RELN: variants seen among roughly 807,000 people sequenced by gnomAD.
RELN encodes the protein reelin.
RELN carries 108 observed loss-of-function variants against 427.6 expected under a neutral mutation model. The observed-to-expected ratio is 0.25, with a 90% confidence interval of 0.22 to 0.30. RELN has a LOEUF of 0.30. RELN is among the 10% of genes least tolerant of loss of function. The probability of loss-of-function intolerance (pLI) is 1.00; values close to 1 mark genes in which losing one functional copy is unlikely to be tolerated. For synonymous variants in RELN, 1,524 were observed against 1,513.4 expected, an observed-to-expected ratio of 1.01 and a Z score of -0.16; for missense variants, 3,715 against 4,302.8, an observed-to-expected ratio of 0.86 and a Z score of 3.82.
At chr7:103,643,935 A>C (rs1832744879) in intron 16 of RELN, among the ~76,000 whole-genome samples, 1 of 151,936 alleles carries the variant, frequency 6.6e-6, no homozygotes, top group African/African-American at 2.4e-5. Flanking sequence ...TAGGTTGAAA[A>C]TTATTGCCTC....
At chr7:103,786,805 T>G (rs1465566578) in intron 3 of RELN, among the ~76,000 whole-genome samples, 1 of 151,824 alleles carries the variant, frequency 6.6e-6, no homozygotes, top group Non-Finnish European at 1.5e-5. Flanking sequence ...AAGCAGAAAA[T>G]TTACAAGGAT....
At chr7:103,921,175 A>T (rs1795609889) in intron 1 of RELN, among the ~76,000 whole-genome samples, 1 of 152,082 alleles carries the variant, frequency 6.6e-6, no homozygotes, top group Non-Finnish European at 1.5e-5. Flanking sequence ...ATGTTTATAA[A>T]CTCCATCTGA....
At chr7:103,676,660 C>G (rs1458194975) in intron 11 of RELN, among the ~76,000 whole-genome samples, 2 of 152,178 alleles carry the variant, frequency 1.3e-5, no homozygotes, top group African/African-American at 4.8e-5. Flanking sequence ...CAATGATAGA[C>G]TGGATTAAGA....
At chr7:103,525,257 C>T (rs965528728) in intron 46 of RELN, among the ~76,000 whole-genome samples, 1 of 152,282 alleles carries the variant, frequency 6.6e-6, no homozygotes, top group African/African-American at 2.4e-5. Flanking sequence ...CCATGCTATT[C>T]TCTCTCATAG....
At chr7:103,932,213 A>G (rs890865330) in intron 1 of RELN, among the ~76,000 whole-genome samples, 3 of 152,242 alleles carry the variant, frequency 2.0e-5, no homozygotes, top group Non-Finnish European at 2.9e-5. Flanking sequence ...GCCATAGAAA[A>G]GAACAAGATC....
chr7:103,507,811 A>G (rs1198983037), intron 51 of RELN, among the ~76,000 whole-genome samples: 1 of 152,238 alleles, frequency 6.6e-6, no homozygotes, highest in African/African-American at 2.4e-5. Context: ...AAGAAAAGAG[A>G]GAAGGATCAA....
intron 20 of RELN, among the ~76,000 whole-genome samples, chr7:103,624,557 G>A (rs945816642): frequency 6.6e-6 from 1 of 152,112 alleles, no homozygotes; most frequent in Non-Finnish European, 1.5e-5. Context: ...CTCCCAAGTA[G>A]CTGGGATTAC....
At chr7:103,830,685 T>G (rs1473006453) in intron 3 of RELN, among the ~76,000 whole-genome samples, 1 of 151,994 alleles carries the variant, frequency 6.6e-6, no homozygotes, top group Non-Finnish European at 1.5e-5. Flanking sequence ...TTGCAAGAAT[T>G]TAGTTCAGAA....
At chr7:103,934,937 T>C (rs1476284819) in intron 1 of RELN, among the ~76,000 whole-genome samples, 1 of 152,184 alleles carries the variant, frequency 6.6e-6, no homozygotes, top group African/African-American at 2.4e-5. Context: ...CCTATTTACT[T>C]ACCTAGACGT....
intron 5 of RELN, 36 bp from the exon 6 acceptor site, chr7:103,749,540 A>C (rs1790940375): frequency 1.4e-6 from 2 of 1,415,756 alleles, no homozygotes; most frequent in African/African-American, 1.4e-5. Context: ...AAAGAAATAT[A>C]CTACAACAGT....
At chr7:103,585,405 T>C (rs1831247180) in intron 28 of RELN, among the ~76,000 whole-genome samples, 1 of 152,106 alleles carries the variant, frequency 6.6e-6, no homozygotes, top group Non-Finnish European at 1.5e-5. Context: ...AAAAAGATCA[T>C]TGGAGACTCC....
At chr7:103,526,713 G>A (rs1013184958) in intron 46 of RELN, among the ~76,000 whole-genome samples, 7 of 152,160 alleles carry the variant, frequency 4.6e-5, no homozygotes, top group African/African-American at 1.7e-4. Context: ...CATCACTTAT[G>A]TTTATGTGCT....
intron 8 of RELN, among the ~76,000 whole-genome samples, chr7:103,704,965 T>C (rs1322753044): frequency 6.6e-6 from 1 of 152,186 alleles, no homozygotes; most frequent in African/African-American, 2.4e-5. Context: ...GCAGGATTTG[T>C]CAAGGCTGAT....
chr7:103,911,116 C>T (rs200759722), intron 2 of RELN, among the ~76,000 whole-genome samples: 167 of 140,138 alleles, frequency 1.2e-3, no homozygotes, highest in Admixed American at 1.8e-3. Flanking sequence ...TGACAAAGGG[C>T]TAGTATCCAG....
chr7:103,535,447 T>C lies in RELN; in HGVS notation c.7218A>G (p.Ser2406=). 6.2e-7 allele frequency: 1 copy of C among 1,614,090 alleles called. No homozygotes were observed. Among genetic ancestry groups the C allele is most frequent in the Non-Finnish European group, 8.5e-7 (1 of 1,179,960 alleles). Residue 2406 remains serine, a synonymous_variant, in exon 46 of 65, where the codon TCA becomes TCG. Coordinates refer to ENST00000428762, the MANE Select transcript of RELN (RefSeq NM_005045.4). ...ELEYSVDLGL[S]WHPLVRDCLP... Reference sequence around the variant, plus strand: ...GACAGTCCCTTACCAATGGGTGCCATGACAATCCAAGATCTACTGAGTATT... The same window carrying C: ...GACAGTCCCTTACCAATGGGTGCCACGACAATCCAAGATCTACTGAGTATT...
intron 50 of RELN, among the ~76,000 whole-genome samples, chr7:103,514,395 C>T (rs773721330): frequency 1.3e-5 from 2 of 152,142 alleles, no homozygotes; most frequent in African/African-American, 2.4e-5. Context: ...CATGGTGGCT[C>T]ACGCCTGTAA....
intron 2 of RELN, among the ~76,000 whole-genome samples, chr7:103,909,700 TA>T (rs1237979494): frequency 2.1e-4 from 12 of 57,446 alleles, no homozygotes; most frequent in South Asian, 6.3e-4. Context: ...TATATATATT[TA>T]ATATATATAA....
chr7:103,848,501 G>A (rs899467657), intron 2 of RELN, among the ~76,000 whole-genome samples: 3 of 152,050 alleles, frequency 2.0e-5, no homozygotes, highest in African/African-American at 7.2e-5. Context: ...ACTTCCCCCC[G>A]AATCAACAGA....
chr7:103,666,041 T>A (rs1472066108), intron 11 of RELN, among the ~76,000 whole-genome samples: 1 of 151,998 alleles, frequency 6.6e-6, no homozygotes, highest in Non-Finnish European at 1.5e-5. Context: ...TTTTAAAAAG[T>A]TTTCTTTGAT....
Sources: gnomAD v4.1 joint callset for allele counts (sites outside exome capture counted in the v4.1 genomes callset) on GRCh38, gnomAD v4.1.1 for gene constraint, MANE v1.5 for transcripts, NCBI Gene and HGNC (gene_info 2026-07-23, HGNC 2026-07-21) for gene names.